The following SLC2A13 variants were observed in gnomAD, a reference collection of about 807,000 sequenced individuals.
The protein encoded by SLC2A13 is proton myo-inositol cotransporter.
SLC2A13 carries 32 observed loss-of-function variants against 64.4 expected under a neutral mutation model. That is an observed-to-expected ratio of 0.50 (90% CI 0.37 to 0.67). The LOEUF is 0.67. Among genes scored for constraint, SLC2A13 ranks in the 30% least tolerant of loss-of-function variants. The probability of loss-of-function intolerance (pLI) is 0.00; values close to 1 mark genes in which losing one functional copy is unlikely to be tolerated. For missense variants in SLC2A13, 743 were observed against 829.2 expected (o/e 0.90, Z 1.28); for synonymous variants, 338 against 327.1 (o/e 1.03, Z -0.36).
At chr12:39,998,222 C>T (rs1228280653) in intron 3 of SLC2A13, among the ~76,000 whole-genome samples, 1 of 152,160 alleles carries the variant, frequency 6.6e-6, no homozygotes, top group Non-Finnish European at 1.5e-5. Context: ...AAATTAGTGG[C>T]ATTCACAGCA....
chr12:39,777,360 G>A (rs1304465789), intron 7 of SLC2A13, among the ~76,000 whole-genome samples: 1 of 152,042 alleles, frequency 6.6e-6, no homozygotes, highest in Non-Finnish European at 1.5e-5. Flanking sequence ...TTTAGATGAA[G>A]GTCATCAAAT....
chr12:40,012,530 A>C (rs1197551376), intron 3 of SLC2A13, among the ~76,000 whole-genome samples: 2 of 152,182 alleles, frequency 1.3e-5, no homozygotes, highest in African/African-American at 4.8e-5. Context: ...TTGCTTAAAG[A>C]TGTGATGTGA....
intron 3 of SLC2A13, among the ~76,000 whole-genome samples, chr12:40,005,910 A>G (rs568536235): frequency 9.8e-5 from 15 of 152,314 alleles, no homozygotes; most frequent in African/African-American, 3.6e-4. Flanking sequence ...GAAGCTTCCA[A>G]CGTAAGGCCC....
intron 2 of SLC2A13, among the ~76,000 whole-genome samples, chr12:40,039,142 CATT>C: frequency 6.6e-6 from 1 of 152,126 alleles, no homozygotes. Context: ...CATTTTGTAT[CATT>C]ATTATTTCGG....
chr12:40,056,285 T>C (rs1180563406), intron 1 of SLC2A13, among the ~76,000 whole-genome samples: 1 of 151,912 alleles, frequency 6.6e-6, no homozygotes, highest in African/African-American at 2.4e-5. Flanking sequence ...ATAGTAGTGT[T>C]ATAAAGAGAA....
At position 39,802,784 on chromosome 12, in the gene SLC2A13, T is replaced by C. The variant is rs541933169; in HGVS notation, c.1445+27319A>G. Among the ~76,000 whole-genome samples the C allele has an allele frequency of 1.3e-3, 204 of 152,304 alleles. 2 individuals are homozygous for C. The highest frequency in any genetic ancestry group is 4.5e-3 in the African/African-American group (187 of 41,556). On this transcript the variant is annotated intron_variant, in intron 7 of 9. Coordinates refer to ENST00000280871, the MANE Select transcript of SLC2A13 (RefSeq NM_052885.4). ...AACCATATATAGATGTAGATATGGA[T>C]ATGTAACTATATCTCCATCCTGAGA...
chr12:39,846,212 T>A (rs1469735038), intron 6 of SLC2A13, among the ~76,000 whole-genome samples: 1 of 152,148 alleles, frequency 6.6e-6, no homozygotes, highest in East Asian at 1.9e-4. Context: ...GTGAATACTT[T>A]AAAGTATATC....
At chr12:39,779,723 C>A (rs1262217182) in intron 7 of SLC2A13, among the ~76,000 whole-genome samples, 1 of 152,140 alleles carries the variant, frequency 6.6e-6, no homozygotes, top group African/African-American at 2.4e-5. Flanking sequence ...TAAAACGTGA[C>A]TGTCTGTGAT....
At chr12:39,851,916 T>G (rs940670228) in intron 6 of SLC2A13, among the ~76,000 whole-genome samples, 35 of 152,362 alleles carry the variant, frequency 2.3e-4, no homozygotes, top group African/African-American at 8.4e-4. Flanking sequence ...TTGTGTGTAT[T>G]TCTTTTGTAC....
chr12:39,772,353 G>A (rs955572641), intron 7 of SLC2A13, among the ~76,000 whole-genome samples: 2 of 152,046 alleles, frequency 1.3e-5, no homozygotes, highest in Non-Finnish European at 2.9e-5. Context: ...GGTGATAACT[G>A]CTTGGCACAT....
rs1286190790 is a variant in SLC2A13, at chr12:40,105,076, G to A, written c.556+177C>T. Among the ~76,000 whole-genome samples, 2 of 140,520 alleles carry A rather than the reference G, an allele frequency of 1.4e-5. No individual in the cohort carries two copies. Among genetic ancestry groups the A allele is most frequent in the African/African-American group, 2.5e-5 (1 of 39,354 alleles). The allele number at this position is 140,520 out of a possible 152,430, so 92.2% of individuals were successfully genotyped here. ...CTCCCCCCCGACCCTCCCACCTCCC[G>A]GGAGAGCCTTGGAGGCTGGACCAAC... On this transcript the variant is annotated intron_variant, in intron 1 of 9. Coordinates refer to ENST00000280871, the MANE Select transcript of SLC2A13 (RefSeq NM_052885.4). The surrounding 1 kb of genome is among the most constrained non-coding windows in gnomAD (Gnocchi z 4.2).
intron 6 of SLC2A13, among the ~76,000 whole-genome samples, chr12:39,846,503 G>A (rs772485902): frequency 6.6e-6 from 1 of 152,128 alleles, no homozygotes; most frequent in Non-Finnish European, 1.5e-5. Flanking sequence ...CCCAGGGTGG[G>A]TGCAGTGGTG....
chr12:40,035,013 G>A (rs1463266865), intron 2 of SLC2A13, among the ~76,000 whole-genome samples: 1 of 152,154 alleles, frequency 6.6e-6, no homozygotes, highest in East Asian at 1.9e-4. Context: ...ACAGGACAGT[G>A]AAACATTTTC....
intron 6 of SLC2A13, among the ~76,000 whole-genome samples, chr12:39,862,968 C>T (rs1266273166): frequency 3.3e-5 from 5 of 152,074 alleles, no homozygotes; most frequent in East Asian, 1.9e-4. Flanking sequence ...ACCCAGTAAG[C>T]GGACTGCAGC....
intron 7 of SLC2A13, among the ~76,000 whole-genome samples, chr12:39,823,861 GTTTTTA>G (rs1290484423): frequency 6.6e-6 from 1 of 152,040 alleles, no homozygotes; most frequent in Non-Finnish European, 1.5e-5. Flanking sequence ...GTTTTTTAGT[GTTTTTA>G]TTACTACAGG....
intron 7 of SLC2A13, among the ~76,000 whole-genome samples, chr12:39,773,652 C>T (rs1940665685): frequency 6.6e-6 from 1 of 152,214 alleles, no homozygotes; most frequent in African/African-American, 2.4e-5. Flanking sequence ...GCTTCCTACA[C>T]AGCACATGCT....
chr12:39,911,436 C>G lies in SLC2A13; in HGVS notation c.1035-39475G>C, dbSNP rs190355652. On this transcript the variant is annotated intron_variant, in intron 4 of 9. Transcript: ENST00000280871. ...TTTTGTTGTTTTAGGATACTGTAATCTCATCCTGTTGTCTATCTCTATGAT... is the reference window on the plus strand; with the variant it reads ...TTTTGTTGTTTTAGGATACTGTAATGTCATCCTGTTGTCTATCTCTATGAT... 9.2e-5 allele frequency among the ~76,000 whole-genome samples: 14 copies of G among 152,092 alleles called. No individual in the cohort carries two copies. The East Asian group carries it at 2.5e-3, about 27-fold the overall frequency.
At chr12:40,091,238 T>G (rs1938756824) in intron 1 of SLC2A13, among the ~76,000 whole-genome samples, 1 of 152,224 alleles carries the variant, frequency 6.6e-6, no homozygotes, top group East Asian at 1.9e-4. Flanking sequence ...TGTCATTATG[T>G]GGCACATGGC....
At chr12:39,907,062 AAGT>A (rs1945306207) in intron 4 of SLC2A13, among the ~76,000 whole-genome samples, 1 of 152,150 alleles carries the variant, frequency 6.6e-6, no homozygotes, top group South Asian at 2.1e-4. Flanking sequence ...CAATTTATAT[AAGT>A]AGAAGTTTGA....
Sources: gnomAD v4.1 joint callset for allele counts (sites outside exome capture counted in the v4.1 genomes callset) on GRCh38, gnomAD v4.1.1 for gene constraint, Gnocchi (gnomAD v3.1) non-coding constraint, MANE v1.5 for transcripts, NCBI Gene and HGNC (gene_info 2026-07-23, HGNC 2026-07-21) for gene names.